EPS15L1: variants seen among roughly 807,000 people sequenced by gnomAD.
EPS15L1 encodes the protein epidermal growth factor receptor pathway substrate 15 like 1.
In EPS15L1, 43 loss-of-function variants were observed where a neutral mutation model predicts 117.1. The ratio of observed to expected loss-of-function variants is 0.37; its 90% confidence interval spans 0.29 to 0.47. The LOEUF (loss-of-function observed/expected upper bound fraction) is 0.47. Ranked by LOEUF, EPS15L1 falls within the 20% of genes least tolerant of loss-of-function variation. EPS15L1 has a pLI of 0.99. For missense variants in EPS15L1, 981 were observed against 1,164.0 expected (o/e 0.84, Z 2.29); for synonymous variants, 459 against 470.5 (o/e 0.98, Z 0.32).
At position 16,444,141 on chromosome 19, in the gene EPS15L1, T is replaced by C. The variant is rs572739379; in HGVS notation, c.34-1922A>G. The stretch of plus-strand genomic sequence containing the variant: ...AAATGAAAATAGAAGGAAAATAGCA[T>C]AAAGATCTGAAAGGGGAGAGGGAAA... On this transcript the variant is annotated intron_variant, in intron 1 of 23. Coordinates refer to ENST00000455140, the MANE Select transcript of EPS15L1 (RefSeq NM_001258374.3). Among the ~76,000 whole-genome samples the C allele has an allele frequency of 1.9e-3, 65 of 34,168 alleles. 2 individuals carry two copies. In the South Asian group the frequency reaches 0.04, roughly 21 times the overall value. 22.4% of individuals were successfully genotyped at this position (34,168 alleles called of 152,430 possible). A position where few individuals can be genotyped will look rare whatever the true frequency, so the allele number is the denominator to read the frequency against.
intron 16 of EPS15L1, among the ~76,000 whole-genome samples, chr19:16,399,726 G>A (rs2092578225): frequency 6.6e-6 from 1 of 151,296 alleles, no homozygotes; most frequent in Non-Finnish European, 1.5e-5. Flanking sequence ...TGTCACCCAG[G>A]CTGGAGTGCA....
chr19:16,410,914 TAAAAC>T (rs545184709), intron 13 of EPS15L1, among the ~76,000 whole-genome samples: 20 of 152,030 alleles, frequency 1.3e-4, no homozygotes, highest in Admixed American at 4.6e-4. Flanking sequence ...CACTGCCTCT[TAAAAC>T]AAAAAATGTG....
chr19:16,389,429 G>C (rs1215133345), intron 19 of EPS15L1, among the ~76,000 whole-genome samples: 3 of 152,072 alleles, frequency 2.0e-5, no homozygotes, highest in Admixed American at 1.3e-4. Context: ...ACTTCAGCCT[G>C]GGCAACAGAG....
At chr19:16,430,888 G>T (rs916642654) in intron 7 of EPS15L1, among the ~76,000 whole-genome samples, 5 of 152,236 alleles carry the variant, frequency 3.3e-5, no homozygotes, top group African/African-American at 7.2e-5. Context: ...ACACACAGAT[G>T]AATGGATCAT....
At position 16,471,857 on chromosome 19, in the gene EPS15L1, C is replaced by T; in HGVS notation, c.33+56G>A. On this transcript the variant is annotated intron_variant, in intron 1 of 23. Transcript: ENST00000455140. The surrounding 1 kb of genome is among the most constrained non-coding windows in gnomAD (Gnocchi z 4.8). ...CTCCCAGCGCCTCAGCCTCGCCGCA[C>T]CGCTCGCCTCGCGCCCCGCACCCCG... 2 of 1,129,384 alleles carry T rather than the reference C, an allele frequency of 1.8e-6. No homozygotes were observed. Among genetic ancestry groups the T allele is most frequent in the African/African-American group, 1.6e-5 (1 of 60,986 alleles). 70.0% of individuals were successfully genotyped at this position (1,129,384 alleles called of 1,614,324 possible). A position where few individuals can be genotyped will look rare whatever the true frequency, so the allele number is the denominator to read the frequency against.
intron 22 of EPS15L1, among the ~76,000 whole-genome samples, chr19:16,367,167 C>T (rs2092144564): frequency 6.6e-6 from 1 of 151,426 alleles, no homozygotes; most frequent in South Asian, 2.1e-4. Context: ...GGAATGATGG[C>T]ATCAAACCAG....
chr19:16,441,966 T>C lies in EPS15L1; in HGVS notation c.91A>G (p.Thr31Ala). The change falls in exon 3 of 24, where the codon ACA (threonine) becomes GCA (alanine). Residue 31 changes from threonine (T) to alanine (A), a missense_variant. Transcript: ENST00000455140. ...GCTTCACTCGCCCCCACCCTCCCTG[T>C]GTATGCCGGATCGACCTGAAATGGG... ...SYYKQVDPAY[T>A]GRVGASEAAL... is the part of the protein sequence containing the mutation. 1.2e-6 allele frequency: 2 copies of C among 1,613,814 alleles called. No individual in the cohort carries two copies.
At chr19:16,367,745 G>A (rs2092157314) in intron 22 of EPS15L1, among the ~76,000 whole-genome samples, 1 of 127,720 alleles carries the variant, frequency 7.8e-6, no homozygotes, top group African/African-American at 3.0e-5. Context: ...CAAGAGCTGG[G>A]TGCAAAGCAA....
At chr19:16,391,991 T>C (rs1186562633) in intron 19 of EPS15L1, among the ~76,000 whole-genome samples, 2 of 151,758 alleles carry the variant, frequency 1.3e-5, no homozygotes, top group Non-Finnish European at 2.9e-5. Flanking sequence ...ATGACTAGAG[T>C]TGAGGGGTAG....
chr19:16,442,270 GA>G (rs776659855), intron 1 of EPS15L1, 51 bp from the exon 2 acceptor site: 29 of 1,522,690 alleles, frequency 1.9e-5, no homozygotes, highest in South Asian at 3.5e-5. Flanking sequence ...ACCCCTTGGG[GA>G]AAAAAAGGGT....
At chr19:16,429,174 C>T (rs572521170) in intron 7 of EPS15L1, among the ~76,000 whole-genome samples, 1 of 152,226 alleles carries the variant, frequency 6.6e-6, no homozygotes, top group South Asian at 2.1e-4. Context: ...CTGGGCAGGG[C>T]TGCGAGCTCA....
At position 16,471,927 on chromosome 19, in the gene EPS15L1, G is replaced by T. The variant is rs1272025635; in HGVS notation, c.19C>A (p.Pro7Thr). 1 of 1,295,872 alleles carries T rather than the reference G, an allele frequency of 7.7e-7. No individual in the cohort carries two copies. Among genetic ancestry groups the T allele is most frequent in the East Asian group, 3.1e-5 (1 of 31,834 alleles). 80.3% of individuals were successfully genotyped at this position (1,295,872 alleles called of 1,614,324 possible). Residue 7 changes from proline to threonine, a missense_variant, in exon 1 of 24, where the codon CCC becomes ACC. Physicochemically the swap from Pro to Thr is conservative, Grantham distance 38 (BLOSUM62 -1). Transcript: ENST00000455140. This position sits in a 1 kb window ranked among gnomAD's most constrained non-coding sequence, Gnocchi z 4.8. ...CCGGCCCGTACCTGCTGGGAGAGGG[G>T]GATGAGCGGCGCCGCCATCTTCCCG... Reference protein sequence around the residue: MAAPLIPLSQQIPTGNS... With the variant: MAAPLITLSQQIPTGNS...
rs2092209501 is a variant in EPS15L1 at position 16,370,602 on chromosome 19, G to A, written c.2380+6520C>T. Among the ~76,000 whole-genome samples, 1 of 152,162 alleles carries A rather than the reference G, an allele frequency of 6.6e-6. No homozygotes were observed. The highest frequency in any genetic ancestry group is 2.4e-5 in the African/African-American group (1 of 41,434). On this transcript the variant is annotated intron_variant, in intron 22 of 23. Transcript: ENST00000455140. The surrounding 1 kb of genome is among the most constrained non-coding windows in gnomAD (Gnocchi z 5.2). ...ATAATCGAGTCACACGACACTCCCT[G>A]GATCCGCCTCTGGGTACAGTGTGCC...
At chr19:16,452,306 C>T (rs2093153058) in intron 1 of EPS15L1, among the ~76,000 whole-genome samples, 1 of 151,568 alleles carries the variant, frequency 6.6e-6, no homozygotes, top group Admixed American at 6.6e-5. Context: ...ATTAGCCAAG[C>T]GTGGTGGCAG....
At chr19:16,419,462 A>AT (rs1236053593) in intron 10 of EPS15L1, among the ~76,000 whole-genome samples, 7 of 152,096 alleles carry the variant, frequency 4.6e-5, no homozygotes, top group South Asian at 2.1e-4. Context: ...GTCTCAAAAA[A>AT]AAAAAATAAA....
At chr19:16,369,454 G>A (rs377750293) in intron 22 of EPS15L1, among the ~76,000 whole-genome samples, 14 of 152,228 alleles carry the variant, frequency 9.2e-5, no homozygotes, top group South Asian at 4.1e-4. Flanking sequence ...GCCCTGTGAG[G>A]TGTGTGAGGT....
intron 16 of EPS15L1, among the ~76,000 whole-genome samples, chr19:16,397,572 T>G (rs2092553399): frequency 6.6e-6 from 1 of 151,896 alleles, no homozygotes; most frequent in South Asian, 2.1e-4. Context: ...TGTACCTAGG[T>G]GGGCATTTGG....
intron 7 of EPS15L1, among the ~76,000 whole-genome samples, chr19:16,433,963 A>T (rs1318112709): frequency 1.2e-5 from 1 of 82,574 alleles, no homozygotes; most frequent in Admixed American, 1.3e-4. Flanking sequence ...ACTCCATCTC[A>T]TAAATAAATA....
rs1243906674 is a variant in EPS15L1 at position 16,440,928 on chromosome 19, G to A, written c.166-19C>T. ...CCCATATCTGCGGAAACACAAAAAT[G>A]CTCATAAGCATGACTGCCGATCACT... On this transcript the variant is annotated intron_variant, in intron 3 of 23. Transcript: ENST00000455140. 1 of 1,613,804 alleles carries A rather than the reference G, an allele frequency of 6.2e-7. No individual in the cohort carries two copies. The highest frequency in any genetic ancestry group is 2.2e-5 in the East Asian group (1 of 44,876).
Sources: allele counts gnomAD v4.1 joint callset (sites outside exome capture counted in the v4.1 genomes callset), GRCh38; gene constraint gnomAD v4.1.1; non-coding constraint Gnocchi (gnomAD v3.1); transcripts MANE v1.5; gene names NCBI Gene and HGNC (gene_info 2026-07-23, HGNC 2026-07-21).